Variants in OR1F1 observed in about 807,000 individuals in gnomAD.
OR1F1 encodes olfactory receptor 1F1.
For missense variants in OR1F1, 493 were observed against 376.3 expected, an observed-to-expected ratio of 1.31 and a Z score of -2.57; for synonymous variants, 184 against 156.7, an observed-to-expected ratio of 1.17 and a Z score of -1.30.
At chr16:3,189,620 T>A in the OR1F1 span, 7 of 152,196 alleles carry the variant, frequency 4.6e-5, no homozygotes, top group South Asian at 6.2e-4. Context: ...ATAACCTTAA[T>A]GCGTAAATCG....
chr16:3,201,441 T>C (rs1009589219), upstream of OR1F1, among the ~76,000 whole-genome samples: 5 of 152,248 alleles, frequency 3.3e-5, no homozygotes, highest in African/African-American at 9.6e-5. Context: ...TCACCAGCAA[T>C]GTAGAGCTCT....
chr16:3,198,781 C>A, the OR1F1 span, among the ~76,000 whole-genome samples: 1 of 151,264 alleles, frequency 6.6e-6, no homozygotes, highest in East Asian at 2.0e-4. Flanking sequence ...TAAGCCCAAG[C>A]GTTCAAGATC....
chr16:3,203,614 A>G (rs1958163229), upstream of OR1F1, among the ~76,000 whole-genome samples: 1 of 152,162 alleles, frequency 6.6e-6, no homozygotes, highest in South Asian at 2.1e-4. Flanking sequence ...AAATACAAAA[A>G]TTAGCTGGGC....
downstream of OR1F1, among the ~76,000 whole-genome samples, chr16:3,206,532 C>G (rs949170362): frequency 6.6e-6 from 1 of 152,172 alleles, no homozygotes; most frequent in African/African-American, 2.4e-5. Flanking sequence ...TATGGGATGT[C>G]ACCCCCAGAG....
chr16:3,203,571 A>C (rs372481709), upstream of OR1F1, among the ~76,000 whole-genome samples: 397 of 152,186 alleles, frequency 2.6e-3, no homozygotes, highest in African/African-American at 7.9e-3. Flanking sequence ...AGAGACCATC[A>C]TGGCCAACAT....
At chr16:3,191,498 G>A in the OR1F1 span, among the ~76,000 whole-genome samples, 2 of 152,118 alleles carry the variant, frequency 1.3e-5, no homozygotes, top group African/African-American at 4.8e-5. Context: ...CGTTCCCAGG[G>A]AAGCCCGGCT....
chr16:3,195,692 A>G, the OR1F1 span, among the ~76,000 whole-genome samples: 9 of 151,678 alleles, frequency 5.9e-5, no homozygotes, highest in Admixed American at 2.0e-4. Flanking sequence ...AAAAAAAAAA[A>G]AAGAAGTGAA....
chr16:3,197,529 G>A, the OR1F1 span, among the ~76,000 whole-genome samples: 1 of 145,782 alleles, frequency 6.9e-6, no homozygotes, highest in Non-Finnish European at 1.5e-5. Context: ...GCTGCTGGGG[G>A]CCAGTTCCTC....
At chr16:3,196,290 T>A in the OR1F1 span, among the ~76,000 whole-genome samples, 37,069 of 152,176 alleles carry the variant, frequency 0.24, 4,732 homozygotes, top group African/African-American at 0.31. Flanking sequence ...TACTCTCAGG[T>A]CTTTGCCCAG....
chr16:3,204,751 TG>T lies in OR1F1; in HGVS notation c.506del (p.Cys169LeufsTer13), dbSNP rs1422221310. ...CCTGCTGATGGCTCCACTCTCATTC[TG>T]TGCAGACAATGCCATCACTCACTTC... On this transcript the variant is annotated frameshift_variant, in exon 1 of 1. Coordinates refer to ENST00000304646, the Ensembl canonical transcript of OR1F1. LOFTEE classifies it low-confidence loss of function (END_TRUNC). 1.2e-6 allele frequency: 2 copies of T among 1,614,170 alleles called. No homozygotes were observed. The highest frequency in any genetic ancestry group is 1.7e-6 in the Non-Finnish European group (2 of 1,180,020).
chr16:3,200,088 G>T (rs1958120314), upstream of OR1F1, among the ~76,000 whole-genome samples: 1 of 152,100 alleles, frequency 6.6e-6, no homozygotes, highest in Admixed American at 6.6e-5. Flanking sequence ...GGGAACTGAG[G>T]GCAGGCCGCT....
At chr16:3,194,987 A>G in the OR1F1 span, among the ~76,000 whole-genome samples, 1 of 152,192 alleles carries the variant, frequency 6.6e-6, no homozygotes, top group Non-Finnish European at 1.5e-5. Context: ...GCATCGGTCC[A>G]GGATTTGGGG....
chr16:3,192,005 G>A, the OR1F1 span, among the ~76,000 whole-genome samples: 1 of 152,116 alleles, frequency 6.6e-6, no homozygotes, highest in East Asian at 1.9e-4. Context: ...TTGGTCTAGG[G>A]GTATGATTCT....
At chr16:3,192,333 G>GT in the OR1F1 span, among the ~76,000 whole-genome samples, 1 of 152,208 alleles carries the variant, frequency 6.6e-6, no homozygotes, top group Non-Finnish European at 1.5e-5. Flanking sequence ...GATGACAGGC[G>GT]TGAGCCACTG....
At chr16:3,196,699 CTTTTTT>C in the OR1F1 span, among the ~76,000 whole-genome samples, 12 of 123,948 alleles carry the variant, frequency 9.7e-5, no homozygotes, top group African/African-American at 3.6e-4. Context: ...TGAAATTAAT[CTTTTTT>C]TTTTTTTTTT....
chr16:3,190,524 G>C, the OR1F1 span, among the ~76,000 whole-genome samples: 1 of 152,188 alleles, frequency 6.6e-6, no homozygotes, highest in Non-Finnish European at 1.5e-5. Flanking sequence ...GCTGAGGCAG[G>C]TTAATCACCT....
At chr16:3,202,266 C>A (rs932639051), upstream of OR1F1, among the ~76,000 whole-genome samples, 1 of 152,156 alleles carries the variant, frequency 6.6e-6, no homozygotes, top group African/African-American at 2.4e-5. Flanking sequence ...GAGAGGTAAT[C>A]TGCAGAATGA....
the OR1F1 span, among the ~76,000 whole-genome samples, chr16:3,194,802 G>C: frequency 1.6e-4 from 25 of 152,224 alleles, no homozygotes; most frequent in African/African-American, 5.8e-4. Context: ...GTTTATGATC[G>C]TGAGTGATTT....
the OR1F1 span, among the ~76,000 whole-genome samples, chr16:3,192,519 CGGAA>C: frequency 5.3e-5 from 8 of 152,172 alleles, no homozygotes; most frequent in African/African-American, 1.7e-4. Context: ...TCTGAGGTCC[CGGAA>C]GCCTCATTGG....
Sources: allele counts gnomAD v4.1 joint callset (sites outside exome capture counted in the v4.1 genomes callset), GRCh38; gene constraint gnomAD v4.1.1; transcripts MANE v1.5; gene names NCBI Gene and HGNC (gene_info 2026-07-23, HGNC 2026-07-21).